The following SDK1 variants were observed in gnomAD, a reference collection of about 807,000 sequenced individuals.
SDK1 encodes the protein sidekick cell adhesion molecule 1, also known as protein sidekick-1.
Under a neutral mutation model 245.5 loss-of-function variants are expected in SDK1, and 157 were observed. That is an observed-to-expected ratio of 0.64 (90% CI 0.56 to 0.73). The LOEUF (loss-of-function observed/expected upper bound fraction) is 0.73, where lower values mean the gene tolerates loss of function less well. Ranked by LOEUF, SDK1 falls within the 30% of genes least tolerant of loss-of-function variation. SDK1 has a pLI of 0.00. For synonymous variants in SDK1, 1,647 were observed against 1,278.5 expected, an observed-to-expected ratio of 1.29 and a Z score of -6.15; for missense variants, 3,583 against 3,002.3, an observed-to-expected ratio of 1.19 and a Z score of -4.52.
intron 1 of SDK1, among the ~76,000 whole-genome samples, chr7:3,604,469 C>T (rs1781353833): frequency 6.6e-6 from 1 of 152,034 alleles, no homozygotes; most frequent in Non-Finnish European, 1.5e-5. Context: ...TAGTGCTATA[C>T]ATTTTCCTCT....
At chr7:3,552,834 A>G (rs1779459242) in intron 1 of SDK1, among the ~76,000 whole-genome samples, 2 of 152,266 alleles carry the variant, frequency 1.3e-5, no homozygotes, top group Non-Finnish European at 2.9e-5. Context: ...CTGATGTTCA[A>G]TAAATTCAGA....
chr7:4,137,185 C>T (rs1019531896), intron 28 of SDK1, among the ~76,000 whole-genome samples: 2 of 152,226 alleles, frequency 1.3e-5, no homozygotes, highest in Non-Finnish European at 2.9e-5. Context: ...ATCCCAGCTA[C>T]TCAGGGGGCT....
intron 22 of SDK1, among the ~76,000 whole-genome samples, chr7:4,081,136 T>TA (rs1781029571): frequency 6.6e-6 from 1 of 152,196 alleles, no homozygotes; most frequent in African/African-American, 2.4e-5. Flanking sequence ...AATGTGGTGT[T>TA]ACGCTAGGGC....
chr7:3,498,818 C>G lies in SDK1; in HGVS notation c.299-120262C>G, dbSNP rs149996415. Among the ~76,000 whole-genome samples, 253 of 151,756 alleles carry G rather than the reference C, an allele frequency of 1.7e-3. 1 individual carries two copies. Among genetic ancestry groups the G allele is most frequent in the Middle Eastern group, 3.4e-3 (1 of 294 alleles). On this transcript the variant is annotated intron_variant, in intron 1 of 44. Transcript: ENST00000404826. ...GCATGTTCTTGTATGCTGATGAGTT[C>G]CACATGGTCATTTCCAACTGAAGTC...
intron 14 of SDK1, among the ~76,000 whole-genome samples, chr7:3,987,707 G>A (rs1271957532): frequency 6.6e-6 from 1 of 152,186 alleles, no homozygotes; most frequent in Non-Finnish European, 1.5e-5. Context: ...GTTTTCTCCG[G>A]TGTAGACGTG....
intron 1 of SDK1, among the ~76,000 whole-genome samples, chr7:3,570,241 T>G (rs957345900): frequency 9.2e-5 from 14 of 152,116 alleles, no homozygotes; most frequent in African/African-American, 3.4e-4. Context: ...AGGTGATGAT[T>G]TGGGGATGAA....
At chr7:4,253,150 T>C (rs1302190402) in intron 44 of SDK1, among the ~76,000 whole-genome samples, 2 of 152,190 alleles carry the variant, frequency 1.3e-5, no homozygotes, top group East Asian at 3.8e-4. Context: ...CTCTAATCTT[T>C]ATGACTTTCT....
At chr7:3,901,904 G>C (rs1021707670) in intron 5 of SDK1, among the ~76,000 whole-genome samples, 1 of 152,024 alleles carries the variant, frequency 6.6e-6, no homozygotes, top group Non-Finnish European at 1.5e-5. Context: ...ACTCATTTAG[G>C]TGTTAACATT....
rs139964863 is a variant in SDK1, at chr7:3,991,464, C to G, written c.2131+4142C>G. ...CGTAACTCCTGGCTTGTGTCCATCT[C>G]CTGGCAAGACTGGGAACCCCTTCAG... On this transcript the variant is annotated intron_variant, in intron 14 of 44. Transcript: ENST00000404826. 3.2e-3 allele frequency among the ~76,000 whole-genome samples: 481 copies of G among 152,278 alleles called. 2 individuals are homozygous for G. Among genetic ancestry groups the G allele is most frequent in the African/African-American group, 0.011 (456 of 41,564 alleles).
intron 1 of SDK1, among the ~76,000 whole-genome samples, chr7:3,548,343 A>T (rs921089653): frequency 3.4e-4 from 52 of 152,322 alleles, no homozygotes; most frequent in African/African-American, 1.1e-3. Flanking sequence ...TTATTGTTCT[A>T]AATGTTCTAA....
At chr7:3,442,601 C>G (rs1038005041) in intron 1 of SDK1, among the ~76,000 whole-genome samples, 1 of 152,190 alleles carries the variant, frequency 6.6e-6, no homozygotes, top group Admixed American at 6.5e-5. Flanking sequence ...CCTTTTCTAA[C>G]TTTTCAAATT....
At chr7:3,970,712 C>G (rs980479002) in intron 11 of SDK1, among the ~76,000 whole-genome samples, 5 of 152,250 alleles carry the variant, frequency 3.3e-5, no homozygotes, top group Non-Finnish European at 5.9e-5. Flanking sequence ...TTCACACACT[C>G]TGCCCACTTT....
chr7:3,571,404 G>T (rs1473646972), intron 1 of SDK1, among the ~76,000 whole-genome samples: 1 of 151,980 alleles, frequency 6.6e-6, no homozygotes, highest in Non-Finnish European at 1.5e-5. Context: ...CTGGATTCAA[G>T]TGATCCTCCA....
chr7:4,014,368 G>A lies in SDK1; in HGVS notation c.2420+2133G>A, dbSNP rs559163188. 3.3e-5 allele frequency among the ~76,000 whole-genome samples: 5 copies of A among 152,310 alleles called. No individual in the cohort carries two copies. The South Asian group carries it at 1.0e-3, about 32-fold the overall frequency. ...GGAGATGAGGGCATCTTCTGTATTT[G>A]CAGGAGCTTAAATCCAGAAAGCTCC... On this transcript the variant is annotated intron_variant, in intron 16 of 44. Transcript: ENST00000404826.
chr7:3,591,412 G>C (rs1257683816), intron 1 of SDK1, among the ~76,000 whole-genome samples: 1 of 152,234 alleles, frequency 6.6e-6, no homozygotes, highest in Non-Finnish European at 1.5e-5. Context: ...GCCTAGGGGA[G>C]ACCTTCCCAT....
At chr7:4,199,710 C>T (rs1362347711) in intron 35 of SDK1, among the ~76,000 whole-genome samples, 1 of 152,124 alleles carries the variant, frequency 6.6e-6, no homozygotes, top group Non-Finnish European at 1.5e-5. Context: ...TCCCCTGTCC[C>T]AGCTGCCACA....
rs541095502 is a variant in SDK1 at position 3,981,282 on chromosome 7, A to G, written c.1995-5904A>G. ...GATGTTAAGATGGCAAACTTAAGCT[A>G]TAAATGCCTTGTGTGTTCTGACTGC... On this transcript the variant is annotated intron_variant, in intron 13 of 44. Transcript: ENST00000404826. Among the ~76,000 whole-genome samples the G allele has an allele frequency of 5.0e-4, 76 of 152,306 alleles. 1 individual carries two copies. The highest frequency in any genetic ancestry group is 1.4e-3 in the African/African-American group (60 of 41,564).
intron 13 of SDK1, among the ~76,000 whole-genome samples, chr7:3,982,479 C>T (rs1038631088): frequency 6.6e-6 from 1 of 152,080 alleles, no homozygotes; most frequent in African/African-American, 2.4e-5. Context: ...ATGATAATTC[C>T]TCTGATGGAT....
rs529711154 is a variant in SDK1 at position 3,973,586 on chromosome 7, T to A, written c.1818-783T>A. ...TTTTGAAGGGTGATTTTTTTTTTCA[T>A]GAGTTGGGCAATTCCACTCTGTAGA... On this transcript the variant is annotated intron_variant, in intron 12 of 44. Transcript: ENST00000404826. 3.9e-5 allele frequency among the ~76,000 whole-genome samples: 6 copies of A among 152,280 alleles called. No homozygotes were observed. In the East Asian group the frequency reaches 1.2e-3, roughly 29 times the overall value.
Sources: gnomAD v4.1 joint callset for allele counts (sites outside exome capture counted in the v4.1 genomes callset) on GRCh38, gnomAD v4.1.1 for gene constraint, MANE v1.5 for transcripts, NCBI Gene and HGNC (gene_info 2026-07-23, HGNC 2026-07-21) for gene names.